ACACB: variants seen among roughly 807,000 people sequenced by gnomAD.
ACACB encodes acetyl-CoA carboxylase 2.
A neutral mutation model predicts 278.8 loss-of-function variants in ACACB; 209 were observed. That is an observed-to-expected ratio of 0.75 (90% confidence interval 0.67 to 0.84). ACACB has a LOEUF of 0.84. Ranked by LOEUF, ACACB falls within the 40% of genes least tolerant of loss-of-function variation. ACACB has a pLI of 0.00. For synonymous variants in ACACB, 1,174 were observed against 1,285.6 expected (o/e 0.91, Z 1.86); for missense variants, 2,850 against 3,269.0 (o/e 0.87, Z 3.13).
At chr12:109,212,989 C>A in intron 22 of ACACB, 53 bp downstream of exon 22, 2 of 1,505,706 alleles carry the variant, frequency 1.3e-6, no homozygotes. Context: ...TCGTCGCATG[C>A]ATTGCACCAG....
At chr12:109,190,481 G>GAGCAGA (rs1565903530) in intron 13 of ACACB, among the ~76,000 whole-genome samples, 2 of 152,242 alleles carry the variant, frequency 1.3e-5, no homozygotes, top group Non-Finnish European at 2.9e-5. Flanking sequence ...CCTGAGCCGG[G>GAGCAGA]TGACAGTGCC....
intron 34 of ACACB, among the ~76,000 whole-genome samples, chr12:109,238,456 CATAAT>C (rs1184248658): frequency 3.9e-5 from 4 of 101,512 alleles, no homozygotes; most frequent in Admixed American, 1.3e-4. Flanking sequence ...ATATAATATA[CATAAT>C]ATAATATATA....
chr12:109,122,065 C>T (rs529762879), intron 1 of ACACB, among the ~76,000 whole-genome samples: 3 of 152,260 alleles, frequency 2.0e-5, no homozygotes, highest in African/African-American at 7.2e-5. Flanking sequence ...CATTCCAGAA[C>T]ATTCCAGGCA....
chr12:109,170,587 G>A lies in ACACB; in HGVS notation c.926-1218G>A, dbSNP rs61934290. On this transcript the variant is annotated intron_variant, in intron 4 of 52. Transcript: ENST00000338432. Reference sequence around the variant, plus strand: ...ATACTGCATGATTCCATGTAGAAGGGGTAACTAGAGTAGTGCAATTCATAG... The same window carrying A: ...ATACTGCATGATTCCATGTAGAAGGAGTAACTAGAGTAGTGCAATTCATAG... Among the ~76,000 whole-genome samples, 13 of 152,224 alleles carry A rather than the reference G, an allele frequency of 8.5e-5. No homozygotes were observed. The East Asian group carries it at 9.7e-4, about 11-fold the overall frequency.
At chr12:109,146,959 G>A (rs1200493071) in intron 2 of ACACB, among the ~76,000 whole-genome samples, 6 of 151,536 alleles carry the variant, frequency 4.0e-5, no homozygotes, top group African/African-American at 1.5e-4. Flanking sequence ...ACAGGAATAA[G>A]CCACTGCACC....
At chr12:109,230,428 G>A (rs2046435241) in intron 28 of ACACB, among the ~76,000 whole-genome samples, 1 of 150,898 alleles carries the variant, frequency 6.6e-6, no homozygotes, top group South Asian at 2.1e-4. Flanking sequence ...TGATTTTTTT[G>A]TTTGGTTGTT....
chr12:109,131,682 A>G lies in ACACB; in HGVS notation c.-9-7715A>G, dbSNP rs530175480. Among the ~76,000 whole-genome samples, 5 of 152,306 alleles carry G rather than the reference A, an allele frequency of 3.3e-5. No individual in the cohort carries two copies. The East Asian group carries it at 5.8e-4, about 18-fold the overall frequency. The stretch of plus-strand genomic sequence containing the variant: ...TCTCGTGTTCATTGTGGTGAAGGCC[A>G]CGATCACTCTTTCAACAGGCAGCTG... On this transcript the variant is annotated intron_variant, in intron 1 of 52. Coordinates refer to ENST00000338432, the MANE Select transcript of ACACB (RefSeq NM_001093.4).
chr12:109,256,590 C>T (rs955226148), intron 45 of ACACB, among the ~76,000 whole-genome samples: 1 of 152,224 alleles, frequency 6.6e-6, no homozygotes, highest in Non-Finnish European at 1.5e-5. Context: ...CTGTTGTATG[C>T]CACTGTTGGT....
chr12:109,226,439 C>T (rs1235846686), intron 27 of ACACB, among the ~76,000 whole-genome samples: 1 of 152,142 alleles, frequency 6.6e-6, no homozygotes, highest in South Asian at 2.1e-4. Context: ...GTGGCTCATG[C>T]CTGTAATCCC....
intron 20 of ACACB, among the ~76,000 whole-genome samples, chr12:109,208,731 TTAAC>T (rs2045594303): frequency 6.6e-6 from 1 of 152,210 alleles, no homozygotes; most frequent in Non-Finnish European, 1.5e-5. Flanking sequence ...TTTGGTTAAC[TTAAC>T]TAACCTCTCT....
intron 26 of ACACB, 53 bp downstream of exon 26, chr12:109,222,965 GT>G: frequency 7.0e-7 from 1 of 1,431,666 alleles, no homozygotes; most frequent in South Asian, 1.2e-5. Context: ...TGTGGCCCAG[GT>G]GGGGGCCTCT....
intron 19 of ACACB, among the ~76,000 whole-genome samples, chr12:109,203,024 C>G (rs2045382169): frequency 6.6e-6 from 1 of 152,192 alleles, no homozygotes; most frequent in African/African-American, 2.4e-5. Context: ...AGTCCCTCCT[C>G]CCTCCAGCCC....
chr12:109,185,784 C>T, intron 12 of ACACB, 44 bp downstream of exon 12: 1 of 1,566,090 alleles, frequency 6.4e-7, no homozygotes, highest in Middle Eastern at 1.7e-4. Context: ...TCAGATCTCC[C>T]AGCATGTGGG....
chr12:109,188,262 C>T, intron 13 of ACACB, 100 bp downstream of exon 13: 2 of 1,226,122 alleles, frequency 1.6e-6, no homozygotes, highest in Non-Finnish European at 2.3e-6. Flanking sequence ...CTCTTCCTTC[C>T]CTCTTTCTCC....
intron 16 of ACACB, among the ~76,000 whole-genome samples, chr12:109,194,491 A>G (rs11065797): frequency 0.5 from 65,742 of 131,302 alleles, 16,375 homozygotes; most frequent in Middle Eastern, 0.66. Flanking sequence ...GCCACCCCCC[A>G]ACCTCTGCCT....
rs776597544 is a variant in ACACB, at chr12:109,232,656, C to A, written c.4002-13C>A. 8.1e-6 allele frequency: 13 copies of A among 1,610,626 alleles called. No individual in the cohort carries two copies. Among genetic ancestry groups the A allele is most frequent in the Non-Finnish European group, 1.1e-5 (13 of 1,178,056 alleles). On this transcript the variant is annotated splice_polypyrimidine_tract_variant and intron_variant, in intron 28 of 52. Coordinates refer to ENST00000338432, the MANE Select transcript of ACACB (RefSeq NM_001093.4). ...AGCAGCTGCCTCATCCCCGACTTGC[C>A]ATCACCTTACAGGATGACCGTGCCC...
At chr12:109,198,297 A>C (rs1489560093) in intron 17 of ACACB, among the ~76,000 whole-genome samples, 1 of 152,182 alleles carries the variant, frequency 6.6e-6, no homozygotes, top group African/African-American at 2.4e-5. Context: ...TTGAATCAGT[A>C]AATATTTGTT....
At chr12:109,217,477 G>A (rs2046037604) in intron 24 of ACACB, among the ~76,000 whole-genome samples, 1 of 151,988 alleles carries the variant, frequency 6.6e-6, no homozygotes, top group Admixed American at 6.6e-5. Context: ...GTCCAGCCTA[G>A]GCAACATTGC....
At chr12:109,201,478 C>T (rs551877239) in intron 18 of ACACB, 89 bp from the exon 19 acceptor site, 18 of 1,502,106 alleles carry the variant, frequency 1.2e-5, no homozygotes, top group African/African-American at 2.8e-5. Context: ...AGTGTCCCGG[C>T]GCGTCCCTGC....
Sources: allele counts gnomAD v4.1 joint callset (sites outside exome capture counted in the v4.1 genomes callset), GRCh38; gene constraint gnomAD v4.1.1; transcripts MANE v1.5; gene names NCBI Gene and HGNC (gene_info 2026-07-23, HGNC 2026-07-21).